The following MEGF8 variants were observed in gnomAD, a reference collection of about 807,000 sequenced individuals.
The protein encoded by MEGF8 is multiple EGF like domains 8, also known as multiple epidermal growth factor-like domains protein 8.
Under a neutral mutation model 302.9 loss-of-function variants are expected in MEGF8, and 156 were observed. The ratio of observed to expected loss-of-function variants is 0.52; its 90% confidence interval spans 0.45 to 0.59. The LOEUF (loss-of-function observed/expected upper bound fraction) is 0.59. Among genes scored for constraint, MEGF8 ranks in the 20% least tolerant of loss-of-function variants. The pLI is 0.00. For missense variants in MEGF8, 3,345 were observed against 3,964.5 expected, an observed-to-expected ratio of 0.84 and a Z score of 4.20; for synonymous variants, 1,621 against 1,660.5, an observed-to-expected ratio of 0.98 and a Z score of 0.58.
chr19:42,350,521 G>A, intron 15 of MEGF8, 137 bp downstream of exon 15: 1 of 773,004 alleles, frequency 1.3e-6, no homozygotes, highest in Non-Finnish European at 2.0e-6. Flanking sequence ...GCCTGGTGGG[G>A]AGGGTGAGAT....
rs1347766549 is a variant in MEGF8, at chr19:42,336,633, A to T, written c.1245-174A>T. 6.6e-6 allele frequency among the ~76,000 whole-genome samples: 1 copy of T among 152,198 alleles called. No individual in the cohort carries two copies. The highest frequency in any genetic ancestry group is 1.5e-5 in the Non-Finnish European group (1 of 68,030). ...GTGTCCAGCCCTTGCTAGCTTATGC[A>T]GGTAACTCAGAGATGACTCAGGGTC... On this transcript the variant is annotated intron_variant, in intron 6 of 41. Transcript: ENST00000251268. The surrounding 1 kb of genome is among the most constrained non-coding windows in gnomAD (Gnocchi z 4.8).
intron 13 of MEGF8, among the ~76,000 whole-genome samples, chr19:42,349,072 G>A (rs887171881): frequency 1.3e-5 from 2 of 152,190 alleles, no homozygotes; most frequent in Non-Finnish European, 2.9e-5. Context: ...GGTAGGGGCA[G>A]GTGGATTGCC....
At chr19:42,373,706 GT>G (rs750576656) in intron 41 of MEGF8, among the ~76,000 whole-genome samples, 1,131 of 100,986 alleles carry the variant, frequency 0.011, 2 homozygotes, top group African/African-American at 0.016. Flanking sequence ...GGGCTTTTGG[GT>G]TTTTTTTTTT....
Position 42,369,306 on chromosome 19 carries a change from C to G in MEGF8, c.6642-225C>G, listed in dbSNP as rs1351270421. Among the ~76,000 whole-genome samples the G allele has an allele frequency of 6.6e-6, 1 of 151,908 alleles. No homozygotes were observed. The highest frequency in any genetic ancestry group is 2.4e-5 in the African/African-American group (1 of 41,362). ...ACCAGTCCACAGGGAGACCCCATCT[C>G]TACAAAAAAATAAAAAAGAAAATAG... On this transcript the variant is annotated intron_variant, in intron 37 of 41. Transcript: ENST00000251268. This position sits in a 1 kb window ranked among gnomAD's most constrained non-coding sequence, Gnocchi z 5.7.
chr19:42,343,042 C>A (rs909755931), intron 8 of MEGF8, among the ~76,000 whole-genome samples: 46 of 152,122 alleles, frequency 3.0e-4, no homozygotes, highest in Non-Finnish European at 1.9e-4. Context: ...GAGGCTGGTG[C>A]TAGACAGACA....
In MEGF8 at chr19:42,378,332, G is replaced by A. The variant is rs930761903; in HGVS notation, c.*1557G>A. The A allele has an allele frequency of 3.9e-5, 6 of 153,306 alleles. No homozygotes were observed. Among genetic ancestry groups the A allele is most frequent in the Admixed American group, 2.6e-4 (4 of 15,282 alleles). 9.5% of individuals were successfully genotyped at this position (153,306 alleles called of 1,614,324 possible). On this transcript the variant is annotated 3_prime_UTR_variant, in exon 42 of 42. Coordinates refer to ENST00000251268, the MANE Select transcript of MEGF8 (RefSeq NM_001271938.2). ...ACAGCAAAGCTGGAACAACAGAGGCGTGTTGTGGGGGAGCCTCAGAGGGGA... is the reference window on the plus strand; with the variant it reads ...ACAGCAAAGCTGGAACAACAGAGGCATGTTGTGGGGGAGCCTCAGAGGGGA...
chr19:42,326,316 G>A lies in MEGF8; in HGVS notation c.73G>A (p.Ala25Thr). Residue 25 changes from alanine (A) to threonine (T), a missense_variant, in exon 1 of 42, where the codon GCC becomes ACC. Transcript: ENST00000251268. Reference protein sequence around the residue: ...LAVLGSLSPGARAGDCKGQRQ... With the variant: ...LAVLGSLSPGTRAGDCKGQRQ... ...CGTGCTGGGGTCGCTGTCCCCTGGG[G>A]CCCGGGCGGGGGACTGCAAGGGGCA... is the stretch of plus-strand genomic sequence containing the variant. 6.4e-7 allele frequency: 1 copy of A among 1,565,854 alleles called. No individual in the cohort carries two copies. The highest frequency in any genetic ancestry group is 1.2e-5 in the South Asian group (1 of 84,728).
Position 42,376,075 on chromosome 19 carries a change from A to C in MEGF8, c.7838A>C (p.Tyr2613Ser). 1.2e-6 allele frequency: 2 copies of C among 1,605,922 alleles called. No individual in the cohort carries two copies. The highest frequency in any genetic ancestry group is 1.7e-6 in the Non-Finnish European group (2 of 1,179,378). Residue 2613 changes from tyrosine (Y) to serine (S), a missense_variant, in exon 42 of 42, where the codon TAC (tyrosine) becomes TCC (serine). By Grantham distance (144) the Tyr-to-Ser change is moderately radical. Coordinates refer to ENST00000251268, the MANE Select transcript of MEGF8 (RefSeq NM_001271938.2). The surrounding 1 kb of genome is among the most constrained non-coding windows in gnomAD (Gnocchi z 8.2). Reference sequence around the variant, plus strand: ...CATGCCCTCAAGTCGAGCCGCTTCTACCTGCTGCTGCTGGGCGTGGGAGAC... The same window carrying C: ...CATGCCCTCAAGTCGAGCCGCTTCTCCCTGCTGCTGCTGGGCGTGGGAGAC... The part of the protein sequence containing the change: ...EHHALKSSRF[Y>S]LLLLGVGDPS...
rs1270659229 is a variant in MEGF8 at position 42,358,136 on chromosome 19, C to T, written c.5012-8C>T. 1.3e-6 allele frequency: 2 copies of T among 1,561,630 alleles called. No individual in the cohort carries two copies. The highest frequency in any genetic ancestry group is 1.4e-5 in the African/African-American group (1 of 73,068). ...CCTCCCCCAGCCTGTCACCCTGCCC[C>T]TCACCAGGTCTCTATGGTCACTCTG... On this transcript the variant is annotated splice_region_variant and splice_polypyrimidine_tract_variant and intron_variant, in intron 28 of 41. Coordinates refer to ENST00000251268, the MANE Select transcript of MEGF8 (RefSeq NM_001271938.2). The surrounding 1 kb of genome is among the most constrained non-coding windows in gnomAD (Gnocchi z 4.4).
intron 1 of MEGF8, among the ~76,000 whole-genome samples, chr19:42,330,906 G>T (rs1198941410): frequency 6.6e-6 from 1 of 152,220 alleles, no homozygotes; most frequent in African/African-American, 2.4e-5. Flanking sequence ...TCCCATTAGA[G>T]CTGTAAGCAG....
chr19:42,368,310 A>C lies in MEGF8; in HGVS notation c.6274-145A>C, dbSNP rs2039635887. 1.2e-5 allele frequency: 8 copies of C among 658,028 alleles called. No individual in the cohort carries two copies. In the South Asian group the frequency reaches 1.6e-4, roughly 13 times the overall value. The allele number at this position is 658,028 out of a possible 1,614,324, so 40.8% of individuals were successfully genotyped here. A position where few individuals can be genotyped will look rare whatever the true frequency, so the allele number is the denominator to read the frequency against. Reference sequence around the variant, plus strand: ...GAGGGAAAACATGATGACCCCAGCTAGTGTCCACTTTGCTCTACCTGTGGC... The same window carrying C: ...GAGGGAAAACATGATGACCCCAGCTCGTGTCCACTTTGCTCTACCTGTGGC... On this transcript the variant is annotated intron_variant, in intron 35 of 41. Transcript: ENST00000251268. This position sits in a 1 kb window ranked among gnomAD's most constrained non-coding sequence, Gnocchi z 4.9.
rs1327043841 is a variant in MEGF8 at position 42,358,409 on chromosome 19, C to T, written c.5175+102C>T. ...GGCTCCATCCCAGATTCCTGCTTCC[C>T]CTCCTTTCTATGTTCCCTAACTAAG... is the stretch of plus-strand genomic sequence containing the variant. On this transcript the variant is annotated intron_variant, in intron 29 of 41. Transcript: ENST00000251268. This position sits in a 1 kb window ranked among gnomAD's most constrained non-coding sequence, Gnocchi z 4.4. 2 of 1,386,744 alleles carry T rather than the reference C, an allele frequency of 1.4e-6. No individual in the cohort carries two copies. Among genetic ancestry groups the T allele is most frequent in the Non-Finnish European group, 1.9e-6 (2 of 1,038,694 alleles). 85.9% of individuals were successfully genotyped at this position (1,386,744 alleles called of 1,614,324 possible). A position where few individuals can be genotyped will look rare whatever the true frequency, so the allele number is the denominator to read the frequency against.
chr19:42,372,983 G>A (rs1236178948), intron 41 of MEGF8, among the ~76,000 whole-genome samples: 1 of 150,748 alleles, frequency 6.6e-6, no homozygotes, highest in African/African-American at 2.4e-5. Context: ...CAGAGTTTCT[G>A]CTTTCTTGAT....
At position 42,354,724 on chromosome 19, in the gene MEGF8, CG is replaced by C; in HGVS notation, c.4144+9del. 1.3e-6 allele frequency: 2 copies of C among 1,597,250 alleles called. No individual in the cohort carries two copies. The highest frequency in any genetic ancestry group is 1.7e-6 in the Non-Finnish European group (2 of 1,173,520). ...CTCACTGTTCAGGCCCTGTCTGGTA[CG>C]GGGGCTAGGGGAAGTGGGACCTCTT... is the stretch of plus-strand genomic sequence containing the variant. On this transcript the variant is annotated splice_donor_5th_base_variant and intron_variant, in intron 23 of 41. Coordinates refer to ENST00000251268, the MANE Select transcript of MEGF8 (RefSeq NM_001271938.2). This position sits in a 1 kb window ranked among gnomAD's most constrained non-coding sequence, Gnocchi z 4.3.
intron 23 of MEGF8, 95 bp from the exon 24 acceptor site, chr19:42,355,663 T>C (rs1600055346): frequency 6.9e-7 from 1 of 1,446,946 alleles, no homozygotes; most frequent in South Asian, 1.5e-5. Flanking sequence ...GTGCCTTCCT[T>C]CCCTGCCCAG....
intron 41 of MEGF8, among the ~76,000 whole-genome samples, chr19:42,371,750 G>T (rs1019849444): frequency 1.2e-4 from 18 of 152,098 alleles, no homozygotes; most frequent in Admixed American, 1.3e-4. Flanking sequence ...GCTAAAGGTG[G>T]CACATGCCAG....
Position 42,358,821 on chromosome 19 carries a change from G to A in MEGF8, c.5210G>A (p.Arg1737Gln), listed in dbSNP as rs781582606. 10 of 1,593,098 alleles carry A rather than the reference G, an allele frequency of 6.3e-6. No individual in the cohort carries two copies. Among genetic ancestry groups the A allele is most frequent in the East Asian group, 2.2e-5 (1 of 44,640 alleles). ...ATGAGGAATGTGCGTGGCTCATCTC[G>A]GGGTCTGGGCCAAGTTCCTGGGGAG... ...DRMRNVRGSS[R>Q]GLGQVPGEQP... The change falls in exon 30 of 42, where the codon CGG becomes CAG. Residue 1737 changes from arginine (R) to glutamine (Q), a missense_variant. Arg to Gln is a conservative substitution (Grantham distance 43, BLOSUM62 1). Coordinates refer to ENST00000251268, the MANE Select transcript of MEGF8 (RefSeq NM_001271938.2). This position sits in a 1 kb window ranked among gnomAD's most constrained non-coding sequence, Gnocchi z 4.4.
rs772591953 is a variant in MEGF8, at chr19:42,335,281, A to G, written c.740-16A>G. ...CAGCCTATGGCCAGGGCATGAGACTATCCACCCCTCCACAGGCCAGGACCT... is the reference window on the plus strand; with the variant it reads ...CAGCCTATGGCCAGGGCATGAGACTGTCCACCCCTCCACAGGCCAGGACCT... On this transcript the variant is annotated splice_polypyrimidine_tract_variant and intron_variant, in intron 4 of 41. Transcript: ENST00000251268. 17 of 1,613,928 alleles carry G rather than the reference A, an allele frequency of 1.1e-5. No individual in the cohort carries two copies. The highest frequency in any genetic ancestry group is 4.5e-5 in the East Asian group (2 of 44,882).
At position 42,358,776 on chromosome 19, in the gene MEGF8, A is replaced by G; in HGVS notation, c.5176-11A>G. 6.6e-7 allele frequency: 1 copy of G among 1,519,812 alleles called. No homozygotes were observed. The highest frequency in any genetic ancestry group is 1.4e-5 in the African/African-American group (1 of 71,958). The allele number at this position is 1,519,812 out of a possible 1,614,324, so 94.1% of individuals were successfully genotyped here. ...GGAGCCTCAACCCCAGGACGCCCCC[A>G]CTGTCACTAGCGAGATCGTATGAGG... On this transcript the variant is annotated splice_polypyrimidine_tract_variant and intron_variant, in intron 29 of 41. Coordinates refer to ENST00000251268, the MANE Select transcript of MEGF8 (RefSeq NM_001271938.2). The surrounding 1 kb of genome is among the most constrained non-coding windows in gnomAD (Gnocchi z 4.4).
Sources: gnomAD v4.1 joint callset for allele counts (sites outside exome capture counted in the v4.1 genomes callset) on GRCh38, gnomAD v4.1.1 for gene constraint, Gnocchi (gnomAD v3.1) non-coding constraint, MANE v1.5 for transcripts, NCBI Gene and HGNC (gene_info 2026-07-23, HGNC 2026-07-21) for gene names.